Variants in KCNJ6 observed in about 807,000 individuals in gnomAD.
KCNJ6 encodes the protein G protein-activated inward rectifier potassium channel 2.
KCNJ6 carries 9 observed loss-of-function variants against 34.2 expected under a neutral mutation model. That is an observed-to-expected ratio of 0.26 (90% CI 0.16 to 0.46). KCNJ6 has a LOEUF of 0.46. KCNJ6 is among the 20% of genes least tolerant of loss of function. KCNJ6 has a pLI of 1.00. For synonymous variants in KCNJ6, 196 were observed against 207.1 expected (o/e 0.95, Z 0.46); for missense variants, 236 against 531.3 (o/e 0.44, Z 5.46).
intron 2 of KCNJ6, among the ~76,000 whole-genome samples, chr21:37,780,854 C>G (rs1453084034): frequency 6.6e-6 from 1 of 151,946 alleles, no homozygotes; most frequent in African/African-American, 2.4e-5. Context: ...ATATATATAG[C>G]TACTGTATAC....
At chr21:37,663,653 G>T (rs553505296) in intron 3 of KCNJ6, among the ~76,000 whole-genome samples, 2 of 152,070 alleles carry the variant, frequency 1.3e-5, no homozygotes, top group East Asian at 3.9e-4. Flanking sequence ...AGATGAAAGG[G>T]TCACCATAAT....
rs560348519 is a variant in KCNJ6 at position 37,682,122 on chromosome 21, A to G, written c.946+32089T>C. Reference sequence around the variant, plus strand: ...GGGTGGCTCGCAAGGATGGTGGATTAGTTTCCTGCAGCCGCAGTAACAAAT... The same window carrying G: ...GGGTGGCTCGCAAGGATGGTGGATTGGTTTCCTGCAGCCGCAGTAACAAAT... On this transcript the variant is annotated intron_variant, in intron 3 of 3. Coordinates refer to ENST00000609713, the MANE Select transcript of KCNJ6 (RefSeq NM_002240.5). Among the ~76,000 whole-genome samples the G allele has an allele frequency of 4.6e-5, 7 of 152,328 alleles. No homozygotes were observed. The South Asian group carries it at 1.5e-3, about 32-fold the overall frequency.
In KCNJ6 at chr21:37,903,748, A is replaced by C. The variant is rs565965785; in HGVS notation, c.-28+12136T>G. On this transcript the variant is annotated intron_variant, in intron 1 of 3. Coordinates refer to ENST00000609713, the MANE Select transcript of KCNJ6 (RefSeq NM_002240.5). Reference sequence around the variant, plus strand: ...AAAAACAAAACAAAACAAAACAAAAAAAAACGAAGAAGCAACTTGAGTCCA... The same window carrying C: ...AAAAACAAAACAAAACAAAACAAAACAAAACGAAGAAGCAACTTGAGTCCA... Among the ~76,000 whole-genome samples, 13 of 152,292 alleles carry C rather than the reference A, an allele frequency of 8.5e-5. No homozygotes were observed. In the East Asian group the frequency reaches 1.2e-3, roughly 14 times the overall value.
At chr21:37,829,057 CT>C (rs1323409041) in intron 2 of KCNJ6, among the ~76,000 whole-genome samples, 2 of 152,334 alleles carry the variant, frequency 1.3e-5, no homozygotes, top group East Asian at 3.9e-4. Flanking sequence ...GGGAGACTTC[CT>C]CTCCTATTGC....
At chr21:37,711,898 CT>C (rs2054755034) in intron 3 of KCNJ6, among the ~76,000 whole-genome samples, 1 of 151,500 alleles carries the variant, frequency 6.6e-6, no homozygotes, top group Admixed American at 6.6e-5. Flanking sequence ...ATTGATTTTG[CT>C]GGTAATTACT....
intron 3 of KCNJ6, among the ~76,000 whole-genome samples, chr21:37,643,278 C>G (rs114627883): frequency 1.3e-5 from 2 of 152,110 alleles, no homozygotes; most frequent in Non-Finnish European, 2.9e-5. Context: ...AGAGGCAAAC[C>G]CTCTATGATG....
intron 1 of KCNJ6, among the ~76,000 whole-genome samples, chr21:37,910,908 C>CA (rs2055864154): frequency 6.6e-6 from 1 of 152,152 alleles, no homozygotes; most frequent in South Asian, 2.1e-4. Context: ...GCACACTGCA[C>CA]AAAATCATTC....
At chr21:37,880,793 CAG>C (rs2055703875) in intron 1 of KCNJ6, among the ~76,000 whole-genome samples, 1 of 152,206 alleles carries the variant, frequency 6.6e-6, no homozygotes, top group Admixed American at 6.5e-5. Flanking sequence ...GGCTTGACAT[CAG>C]AGTCTTTTTA....
At chr21:37,673,044 A>G (rs1476882212) in intron 3 of KCNJ6, among the ~76,000 whole-genome samples, 1 of 152,278 alleles carries the variant, frequency 6.6e-6, no homozygotes, top group Non-Finnish European at 1.5e-5. Context: ...TTTTTACATT[A>G]TTCTCAAAAC....
chr21:37,703,312 A>T (rs918787040), intron 3 of KCNJ6, among the ~76,000 whole-genome samples: 2 of 152,026 alleles, frequency 1.3e-5, no homozygotes, highest in African/African-American at 4.8e-5. Context: ...ACAGGGGGGA[A>T]GAAAGAGGGA....
At chr21:37,873,233 T>G (rs571620123) in intron 1 of KCNJ6, among the ~76,000 whole-genome samples, 38 of 152,220 alleles carry the variant, frequency 2.5e-4, no homozygotes, top group Non-Finnish European at 4.1e-4. Flanking sequence ...ATTAATATCA[T>G]AACACTGAGA....
intron 2 of KCNJ6, among the ~76,000 whole-genome samples, chr21:37,821,195 CT>C (rs1568860841): frequency 6.6e-6 from 1 of 152,126 alleles, no homozygotes; most frequent in Admixed American, 6.5e-5. Context: ...TGGAAAATAA[CT>C]TTTTTATTTA....
intron 2 of KCNJ6, among the ~76,000 whole-genome samples, chr21:37,760,809 T>C (rs1317232320): frequency 2.6e-5 from 4 of 152,194 alleles, no homozygotes; most frequent in African/African-American, 9.7e-5. Flanking sequence ...TCCTCCTGTC[T>C]CACCTGGGCT....
At chr21:37,863,224 G>A (rs2055603558) in intron 1 of KCNJ6, among the ~76,000 whole-genome samples, 6 of 152,188 alleles carry the variant, frequency 3.9e-5, no homozygotes, top group Admixed American at 3.9e-4. Flanking sequence ...AGTAAAACAT[G>A]GAGTAATAAA....
rs149351764 is a variant in KCNJ6, at chr21:37,734,935, C to T, written c.26-19804G>A. 3.3e-5 allele frequency among the ~76,000 whole-genome samples: 5 copies of T among 152,160 alleles called. No individual in the cohort carries two copies. The East Asian group carries it at 5.8e-4, about 18-fold the overall frequency. ...GGAACGTATTTGATATTTGGTTTGG[C>T]GGCTCCTGGAATGAATGACAGGAAC... On this transcript the variant is annotated intron_variant, in intron 2 of 3. Coordinates refer to ENST00000609713, the MANE Select transcript of KCNJ6 (RefSeq NM_002240.5).
At position 37,608,330 on chromosome 21, in the gene KCNJ6, CT is replaced by C. The variant is rs1189015037; in HGVS notation, c.*16828del. ...CCTTTGCTTTTGGATCTCTCTCTCTCTTTTTAAAATAGAGATGGGGTCTTGC... is the reference window on the plus strand; with the variant it reads ...CCTTTGCTTTTGGATCTCTCTCTCTCTTTTAAAATAGAGATGGGGTCTTGC... On this transcript the variant is annotated 3_prime_UTR_variant, in exon 4 of 4. Transcript: ENST00000609713. The C allele has an allele frequency of 6.6e-6, 1 of 152,230 alleles. No individual in the cohort carries two copies. The highest frequency in any genetic ancestry group is 2.4e-5 in the African/African-American group (1 of 41,444). The allele number at this position is 152,230 out of a possible 1,614,324, so 9.4% of individuals were successfully genotyped here.
chr21:37,626,248 A>G (rs2054310485), intron 3 of KCNJ6, among the ~76,000 whole-genome samples: 1 of 151,290 alleles, frequency 6.6e-6, no homozygotes, highest in African/African-American at 2.4e-5. Flanking sequence ...CTCCTGTCTC[A>G]GACTTCTGAG....
At chr21:37,855,441 G>C (rs1415387085) in intron 1 of KCNJ6, among the ~76,000 whole-genome samples, 1 of 152,110 alleles carries the variant, frequency 6.6e-6, no homozygotes, top group South Asian at 2.1e-4. Context: ...GACTGTTCTT[G>C]GAACCTTTCT....
At chr21:37,768,443 TA>T (rs2055101643) in intron 2 of KCNJ6, among the ~76,000 whole-genome samples, 1 of 151,802 alleles carries the variant, frequency 6.6e-6, no homozygotes, top group African/African-American at 2.4e-5. Context: ...ATTATCCAAC[TA>T]AAGGAAAAAG....
Sources: allele counts gnomAD v4.1 joint callset (sites outside exome capture counted in the v4.1 genomes callset), GRCh38; gene constraint gnomAD v4.1.1; transcripts MANE v1.5; gene names NCBI Gene and HGNC (gene_info 2026-07-23, HGNC 2026-07-21).